FHL2: variants seen among roughly 807,000 people sequenced by gnomAD.
FHL2 encodes the protein four and a half LIM domains 2.
A neutral mutation model predicts 32.7 loss-of-function variants in FHL2; 20 were observed. That is an observed-to-expected ratio of 0.61 (90% CI 0.43 to 0.89). The LOEUF is 0.89. Among genes scored for constraint, FHL2 ranks in the 40% least tolerant of loss-of-function variants. The pLI, the probability that FHL2 is intolerant of heterozygous loss-of-function variation, is 0.00. For synonymous variants in FHL2, 123 were observed against 128.1 expected (o/e 0.96, Z 0.27); for missense variants, 311 against 358.6 (o/e 0.87, Z 1.07).
At chr2:105,369,259 C>A (rs1366750084) in intron 4 of FHL2, among the ~76,000 whole-genome samples, 9 of 152,166 alleles carry the variant, frequency 5.9e-5, no homozygotes, top group Admixed American at 5.9e-4. Flanking sequence ...TGCAGTAACA[C>A]AGGTGGCTTA....
chr2:105,375,758 C>G (rs1282168602), intron 3 of FHL2: 1 of 152,232 alleles, frequency 6.6e-6, no homozygotes. Context: ...GTCAGGGGGA[C>G]TCGGGGGCAG....
chr2:105,399,051 T>TGGCTGC, upstream of FHL2: 1 of 1,496,862 alleles, frequency 6.7e-7, no homozygotes, highest in Non-Finnish European at 8.9e-7. Flanking sequence ...GCCGGCCGAG[T>TGGCTGC]GGAGCGCTGC....
chr2:105,415,639 C>T (rs951933322), intron 1 of FHL2, among the ~76,000 whole-genome samples: 5 of 152,092 alleles, frequency 3.3e-5, no homozygotes, highest in African/African-American at 4.8e-5. Context: ...GAACGAAAAC[C>T]GTGTCTGAAA....
chr2:105,424,979 C>T (rs141408550), intron 1 of FHL2, among the ~76,000 whole-genome samples: 95 of 151,994 alleles, frequency 6.3e-4, no homozygotes, highest in African/African-American at 2.2e-3. Context: ...ATGTAACAAA[C>T]CTGCACATTC....
intron 1 of FHL2, among the ~76,000 whole-genome samples, chr2:105,426,637 T>TGTG (rs765480626): frequency 2.0e-5 from 3 of 152,188 alleles, no homozygotes; most frequent in Non-Finnish European, 4.4e-5. Flanking sequence ...TAGAAGCCCC[T>TGTG]GTGCTGCTGC....
chr2:105,428,999 C>T (rs940220150), intron 1 of FHL2, among the ~76,000 whole-genome samples: 1 of 152,112 alleles, frequency 6.6e-6, no homozygotes, highest in Non-Finnish European at 1.5e-5. Context: ...TAAACCTTAC[C>T]TTCATAAGAT....
At chr2:105,407,626 C>A (rs886673727) in intron 1 of FHL2, among the ~76,000 whole-genome samples, 1 of 151,964 alleles carries the variant, frequency 6.6e-6, no homozygotes, top group Non-Finnish European at 1.5e-5. Context: ...GAATCTCTGC[C>A]TGAATTAAAG....
At chr2:105,380,058 C>G (rs1681771040) in intron 3 of FHL2, among the ~76,000 whole-genome samples, 1 of 152,156 alleles carries the variant, frequency 6.6e-6, no homozygotes, top group Non-Finnish European at 1.5e-5. Flanking sequence ...CTCCTGGACT[C>G]GCTTCTTAAG....
chr2:105,362,499 A>T (rs899210798), intron 6 of FHL2, among the ~76,000 whole-genome samples: 4 of 152,230 alleles, frequency 2.6e-5, no homozygotes, highest in African/African-American at 9.6e-5. Flanking sequence ...CAGGAAAGCC[A>T]GGCCACCGGG....
chr2:105,433,273 C>G (rs1684491867), intron 1 of FHL2, among the ~76,000 whole-genome samples: 1 of 151,322 alleles, frequency 6.6e-6, no homozygotes, highest in Non-Finnish European at 1.5e-5. Context: ...CTCCACCTCT[C>G]AAGTTCAAGC....
rs1381462208 is a variant in FHL2, at chr2:105,361,586, T to C, written c.689-152A>G. 4.6e-6 allele frequency: 3 copies of C among 648,594 alleles called. No individual in the cohort carries two copies. The African/African-American group carries it at 5.5e-5, about 12-fold the overall frequency. The allele number at this position is 648,594 out of a possible 1,614,324, so 40.2% of individuals were successfully genotyped here. A position where few individuals can be genotyped will look rare whatever the true frequency, so the allele number is the denominator to read the frequency against. ...AGTGACTGGGTGTTGGGAATCCATA[T>C]GTAAATCAGATTCTATGCACAGCCT... is the stretch of plus-strand genomic sequence containing the variant. On this transcript the variant is annotated intron_variant, in intron 6 of 6. Coordinates refer to ENST00000530340, the MANE Select transcript of FHL2 (RefSeq NM_001318895.3).
At chr2:105,390,172 A>G (rs1399568162) in intron 2 of FHL2, 1 of 157,212 alleles carries the variant, frequency 6.4e-6, no homozygotes, top group Non-Finnish European at 1.4e-5. Flanking sequence ...TAGAGCTTGC[A>G]GTGAGCTGAG....
chr2:105,393,238 T>G (rs893524262), intron 2 of FHL2, among the ~76,000 whole-genome samples: 5 of 152,170 alleles, frequency 3.3e-5, no homozygotes, highest in Non-Finnish European at 7.3e-5. Flanking sequence ...AAACCCCAAG[T>G]GCTTCTCCCT....
chr2:105,431,199 G>C (rs4129623), intron 1 of FHL2, among the ~76,000 whole-genome samples: 49,569 of 151,868 alleles, frequency 0.33, 8,356 homozygotes, highest in African/African-American at 0.42. Flanking sequence ...CAACTTCATC[G>C]TTCAACAGAC....
chr2:105,361,480 A>AG, intron 6 of FHL2, 46 bp from the exon 7 acceptor site: 1 of 1,566,122 alleles, frequency 6.4e-7, no homozygotes, highest in South Asian at 1.1e-5. Flanking sequence ...AGTTAGAATC[A>AG]GGCAACTGGG....
intron 1 of FHL2, among the ~76,000 whole-genome samples, chr2:105,415,038 T>A (rs1378386450): frequency 6.6e-6 from 1 of 152,260 alleles, no homozygotes; most frequent in East Asian, 1.9e-4. Flanking sequence ...TATTAGTATA[T>A]GTTTGTTGTA....
At chr2:105,367,079 A>G (rs1237120838) in intron 5 of FHL2, among the ~76,000 whole-genome samples, 2 of 152,184 alleles carry the variant, frequency 1.3e-5, no homozygotes, top group Non-Finnish European at 2.9e-5. Context: ...CGGCCAGAGT[A>G]GATACATTTA....
At chr2:105,369,958 T>C (rs987022454) in intron 4 of FHL2, among the ~76,000 whole-genome samples, 2 of 152,226 alleles carry the variant, frequency 1.3e-5, no homozygotes, top group African/African-American at 2.4e-5. Flanking sequence ...TGCATGGTCA[T>C]ATGCAGCAAT....
At chr2:105,433,853 T>C (rs1684512298) in intron 1 of FHL2, among the ~76,000 whole-genome samples, 1 of 152,212 alleles carries the variant, frequency 6.6e-6, no homozygotes. Context: ...TTTTTTCCCC[T>C]TTTACTTTGG....
Sources: gnomAD v4.1 joint callset for allele counts (sites outside exome capture counted in the v4.1 genomes callset) on GRCh38, gnomAD v4.1.1 for gene constraint, MANE v1.5 for transcripts, NCBI Gene and HGNC (gene_info 2026-07-23, HGNC 2026-07-21) for gene names.